Variants in PTPRO observed in about 807,000 individuals in gnomAD.
PTPRO encodes receptor-type tyrosine-protein phosphatase O.
Under a neutral mutation model 145.2 loss-of-function variants are expected in PTPRO, and 62 were observed. That is an observed-to-expected ratio of 0.43 (90% CI 0.35 to 0.53). PTPRO has a LOEUF of 0.53. PTPRO is among the 20% of genes least tolerant of loss of function. The pLI, the probability that PTPRO is intolerant of heterozygous loss-of-function variation, is 0.01. For missense variants in PTPRO, 1,345 were observed against 1,482.7 expected (o/e 0.91, Z 1.53); for synonymous variants, 565 against 514.7 (o/e 1.10, Z -1.32).
At chr12:15,583,197 G>T (rs1944357564) in intron 23 of PTPRO, among the ~76,000 whole-genome samples, 1 of 152,124 alleles carries the variant, frequency 6.6e-6, no homozygotes, top group Admixed American at 6.5e-5. Flanking sequence ...GTTGAAAAAA[G>T]ACAACTGAGT....
intron 26 of PTPRO, 111 bp downstream of exon 26, chr12:15,595,168 A>G: frequency 4.0e-6 from 3 of 746,968 alleles, no homozygotes; most frequent in Non-Finnish European, 7.0e-6. Flanking sequence ...CTGACTTCAC[A>G]TGAGTATTTC....
At chr12:15,353,127 A>G (rs1937864626) in intron 1 of PTPRO, among the ~76,000 whole-genome samples, 1 of 152,140 alleles carries the variant, frequency 6.6e-6, no homozygotes, top group African/African-American at 2.4e-5. Flanking sequence ...TATAACTCCC[A>G]TTTATGTGCA....
intron 1 of PTPRO, among the ~76,000 whole-genome samples, chr12:15,441,481 C>G (rs1202193330): frequency 6.6e-6 from 1 of 152,010 alleles, no homozygotes; most frequent in Non-Finnish European, 1.5e-5. Flanking sequence ...CCAAAGTTCT[C>G]AGAAGAAAAG....
intron 1 of PTPRO, among the ~76,000 whole-genome samples, chr12:15,394,961 A>G (rs1363736523): frequency 6.6e-6 from 1 of 152,190 alleles, no homozygotes; most frequent in Non-Finnish European, 1.5e-5. Flanking sequence ...TAGTAACACT[A>G]CTATTTAAAA....
At position 15,412,285 on chromosome 12, in the gene PTPRO, G is replaced by A. The variant is rs377537369; in HGVS notation, c.76-71689G>A. On this transcript the variant is annotated intron_variant, in intron 1 of 26. Coordinates refer to ENST00000281171, the MANE Select transcript of PTPRO (RefSeq NM_030667.3). ...TTTGTAAGTCCTTAAACCAATGTACGATGTCAGCTGCAATATTTTATGTGT... is the reference window on the plus strand; with the variant it reads ...TTTGTAAGTCCTTAAACCAATGTACAATGTCAGCTGCAATATTTTATGTGT... 1.5e-4 allele frequency among the ~76,000 whole-genome samples: 23 copies of A among 152,264 alleles called. No individual in the cohort carries two copies. The South Asian group carries it at 2.5e-3, about 16-fold the overall frequency.
intron 1 of PTPRO, among the ~76,000 whole-genome samples, chr12:15,332,541 ACAT>A (rs1276233369): frequency 6.6e-6 from 1 of 152,252 alleles, no homozygotes; most frequent in Non-Finnish European, 1.5e-5. Context: ...ATACATTTTA[ACAT>A]CATTTTCCAA....
At chr12:15,507,420 A>AATAC (rs1192172274) in intron 6 of PTPRO, among the ~76,000 whole-genome samples, 3 of 101,274 alleles carry the variant, frequency 3.0e-5, no homozygotes, top group Non-Finnish European at 6.8e-5. Flanking sequence ...AAAATAAATA[A>AATAC]ATAAATAAAT....
chr12:15,324,008 T>G (rs1866375130), intron 1 of PTPRO, among the ~76,000 whole-genome samples: 1 of 152,192 alleles, frequency 6.6e-6, no homozygotes, highest in Non-Finnish European at 1.5e-5. Flanking sequence ...TTAATATGTT[T>G]TAACATTTTT....
rs1172797395 is a variant in PTPRO, at chr12:15,549,227, G to A, written c.2437+1G>A. 1.2e-6 allele frequency: 2 copies of A among 1,600,872 alleles called. No homozygotes were observed. Among genetic ancestry groups the A allele is most frequent in the Non-Finnish European group, 8.5e-7 (1 of 1,175,552 alleles). On this transcript the variant is annotated splice_donor_variant, in intron 14 of 26. Transcript: ENST00000281171. LOFTEE classifies it high-confidence loss of function. ...ACGTTCATAGCCGTCTCAACAATGG[G>A]TAATTATACACATTAGTGTATAATT...
intron 1 of PTPRO, among the ~76,000 whole-genome samples, chr12:15,388,492 C>T (rs1207200333): frequency 6.6e-6 from 1 of 151,986 alleles, no homozygotes; most frequent in African/African-American, 2.4e-5. Context: ...CTGCCATTAC[C>T]GAATGCCAAG....
chr12:15,354,868 G>A (rs1185904365), intron 1 of PTPRO, among the ~76,000 whole-genome samples: 4 of 152,112 alleles, frequency 2.6e-5, no homozygotes, highest in Non-Finnish European at 2.9e-5. Context: ...TAACCACTAA[G>A]TAAATGTCAG....
intron 1 of PTPRO, among the ~76,000 whole-genome samples, chr12:15,468,267 G>A (rs253819): frequency 6.6e-6 from 1 of 152,132 alleles, no homozygotes; most frequent in African/African-American, 2.4e-5. Flanking sequence ...ACATCATAAA[G>A]TTTTTGCTTC....
intron 22 of PTPRO, 139 bp from the exon 23 acceptor site, chr12:15,581,540 A>C: frequency 1.1e-6 from 1 of 876,478 alleles, no homozygotes; most frequent in Non-Finnish European, 1.7e-6. Flanking sequence ...CGTAGCAGAA[A>C]TGGTTTGCTT....
chr12:15,458,159 C>G (rs1212336363), intron 1 of PTPRO, among the ~76,000 whole-genome samples: 4 of 152,010 alleles, frequency 2.6e-5, no homozygotes, highest in Non-Finnish European at 5.9e-5. Flanking sequence ...TTTTTTCTTT[C>G]AGCACTTTTA....
At chr12:15,394,558 T>C (rs1275628484) in intron 1 of PTPRO, among the ~76,000 whole-genome samples, 4 of 152,206 alleles carry the variant, frequency 2.6e-5, no homozygotes, top group Non-Finnish European at 5.9e-5. Flanking sequence ...GAACAAGAAT[T>C]AATTAGTGTT....
intron 1 of PTPRO, chr12:15,439,571 G>T: frequency 7.4e-6 from 2 of 268,786 alleles, no homozygotes; most frequent in Admixed American, 4.6e-5. Context: ...GAGGACTCGG[G>T]GGCCCTGGGA....
intron 1 of PTPRO, among the ~76,000 whole-genome samples, chr12:15,461,291 G>A (rs1271867879): frequency 2.0e-5 from 3 of 152,138 alleles, no homozygotes; most frequent in South Asian, 2.1e-4. Flanking sequence ...CAAGCTCCAA[G>A]TTGCCCTGCC....
intron 1 of PTPRO, among the ~76,000 whole-genome samples, chr12:15,470,457 A>T (rs1941513841): frequency 6.6e-6 from 1 of 151,884 alleles, no homozygotes; most frequent in Admixed American, 6.6e-5. Context: ...TATGACTATT[A>T]TTATTACCCT....
intron 19 of PTPRO, among the ~76,000 whole-genome samples, chr12:15,577,703 G>A (rs1944216793): frequency 6.6e-6 from 1 of 152,108 alleles, no homozygotes; most frequent in South Asian, 2.1e-4. Context: ...CACTATGTGG[G>A]TAATCCCACT....
Sources: gnomAD v4.1 joint callset for allele counts (sites outside exome capture counted in the v4.1 genomes callset) on GRCh38, gnomAD v4.1.1 for gene constraint, MANE v1.5 for transcripts, NCBI Gene and HGNC (gene_info 2026-07-23, HGNC 2026-07-21) for gene names.